TXLNA: variants seen among roughly 807,000 people sequenced by gnomAD.
TXLNA encodes alpha-taxilin.
Under a neutral mutation model 61.4 loss-of-function variants are expected in TXLNA, and 9 were observed. The ratio of observed to expected loss-of-function variants is 0.15; its 90% CI spans 0.09 to 0.26. The LOEUF (loss-of-function observed/expected upper bound fraction) is 0.26. Ranked by LOEUF, TXLNA falls within the 10% of genes least tolerant of loss-of-function variation. The pLI is 1.00. For synonymous variants in TXLNA, 257 were observed against 267.7 expected (o/e 0.96, Z 0.39); for missense variants, 565 against 688.8 (o/e 0.82, Z 2.01).
Position 32,194,241 on chromosome 1 carries a change from CAG to C in TXLNA, c.1347+82_1347+83del. 3 of 1,116,544 alleles carry C rather than the reference CAG, an allele frequency of 2.7e-6. No homozygotes were observed. In the South Asian group the frequency reaches 4.0e-5, roughly 15 times the overall value. The allele number at this position is 1,116,544 out of a possible 1,614,324, so 69.2% of individuals were successfully genotyped here. A position where few individuals can be genotyped will look rare whatever the true frequency, so the allele number is the denominator to read the frequency against. The stretch of plus-strand genomic sequence containing the variant: ...GCCCTTTCCTGTATGTTCTACCCAT[CAG>C]TGACACAGCTAGCATGAGGTAGAGG... On this transcript the variant is annotated intron_variant, in intron 10 of 10. Transcript: ENST00000373610.
intron 6 of TXLNA, 41 bp downstream of exon 6, chr1:32,190,290 G>A: frequency 6.5e-7 from 1 of 1,547,360 alleles, no homozygotes; most frequent in Non-Finnish European, 8.8e-7. Context: ...CAGAAATTGT[G>A]AGGTTTTGAG....
In TXLNA at chr1:32,195,154, G is replaced by A. The variant is rs1452008868; in HGVS notation, c.1600G>A (p.Gly534Ser). Residue 534 changes from glycine to serine, a missense_variant, in exon 11 of 11, where the codon GGC becomes AGC. Physicochemically the swap from Gly to Ser is moderately conservative, Grantham distance 56. Around this residue, in one of 2 missense-constraint regions of TXLNA, gnomAD observed 373 missense variants for 504.0 expected, o/e 0.74. Coordinates refer to ENST00000373610, the MANE Select transcript of TXLNA (RefSeq NM_175852.4). ...AGGAGCACCGAGCACAGAAGCATCA[G>A]GCCAGACTGGGCCTCAAGAGCCCAC... ...YPGAPSTEAS[G>S]QTGPQEPTSA... The A allele has an allele frequency of 6.2e-7, 1 of 1,609,818 alleles. No homozygotes were observed. The highest frequency in any genetic ancestry group is 2.2e-5 in the East Asian group (1 of 44,864).
At chr1:32,184,424 TATG>T in intron 3 of TXLNA, 98 bp from the exon 4 acceptor site, 1 of 759,386 alleles carries the variant, frequency 1.3e-6, no homozygotes, top group African/African-American at 1.7e-5. Context: ...AAATATAAAG[TATG>T]ATGGGGAGGG....
In TXLNA at chr1:32,193,268, G is replaced by T; in HGVS notation, c.1219G>T (p.Val407Leu). The change falls in exon 9 of 11, where the codon GTA (valine) becomes TTA (leucine). Residue 407 changes from valine (V) to leucine (L), a missense_variant. Val to Leu is a conservative substitution (Grantham distance 32). Transcript: ENST00000373610. ...FQNTLSKSSE[V>L]FTTFKQEMEK... is the part of the protein sequence containing the mutation. ...GAACACACTTTCCAAAAGCAGCGAG[G>T]TATTCACCACATTCAAGCAGGAGAT... The T allele has an allele frequency of 2.5e-6, 4 of 1,613,714 alleles. No homozygotes were observed. Among genetic ancestry groups the T allele is most frequent in the Non-Finnish European group, 3.4e-6 (4 of 1,179,918 alleles).
chr1:32,184,383 T>A, intron 3 of TXLNA, 142 bp from the exon 4 acceptor site: 2 of 640,948 alleles, frequency 3.1e-6, no homozygotes, highest in Non-Finnish European at 5.8e-6. Flanking sequence ...AGTTGGTCCT[T>A]ATGGCAAGGA....
intron 9 of TXLNA, 88 bp downstream of exon 9, chr1:32,193,388 TG>T (rs980775324): frequency 6.0e-6 from 6 of 995,678 alleles, no homozygotes; most frequent in South Asian, 2.6e-5. Flanking sequence ...AGCTCCCATC[TG>T]GGGTGTCTCA....
chr1:32,181,572 G>T lies in TXLNA; in HGVS notation c.500G>T (p.Gly167Val). 1 of 1,536,868 alleles carries T rather than the reference G, an allele frequency of 6.5e-7. No homozygotes were observed. Among genetic ancestry groups the T allele is most frequent in the Non-Finnish European group, 8.8e-7 (1 of 1,139,034 alleles). ...CCACAGGAGAAGAAAAAAGCCAAGG[G>T]TTTGGGTGAGCAGAGGGCGGCTCTT... ...RRPQEKKKAK[G>V]LGKEITLLMQ... The change falls in exon 3 of 11, where the codon GGT becomes GTT. Residue 167 changes from glycine (G) to valine (V), a missense_variant. Coordinates refer to ENST00000373610, the MANE Select transcript of TXLNA (RefSeq NM_175852.4).
In TXLNA at chr1:32,181,491, C is replaced by G. The variant is rs200361213; in HGVS notation, c.419C>G (p.Pro140Arg). ...GAGAAGGAACCCTCCAAGGGGGATC[C>G]AAACACAGAAGAGATCCGGCAGAGT... is the stretch of plus-strand genomic sequence containing the variant. ...NGEKEPSKGD[P>R]NTEEIRQSDE... The change falls in exon 3 of 11, where the codon CCA becomes CGA. Residue 140 changes from proline to arginine, a missense_variant. Physicochemically the swap from Pro to Arg is moderately radical, Grantham distance 103. Transcript: ENST00000373610. The G allele has an allele frequency of 6.2e-6, 10 of 1,610,354 alleles. 1 individual carries two copies. Among genetic ancestry groups the G allele is most frequent in the Middle Eastern group, 3.3e-4 (2 of 6,078 alleles).
intron 2 of TXLNA, among the ~76,000 whole-genome samples, 166 bp from the exon 3 acceptor site, chr1:32,181,076 A>C (rs1642645057): frequency 6.6e-6 from 1 of 152,212 alleles, no homozygotes; most frequent in Non-Finnish European, 1.5e-5. Flanking sequence ...TCTGACAGGA[A>C]CTAGATTTGC....
rs1642946047 is a variant in TXLNA at position 32,193,284 on chromosome 1, A to G, written c.1235A>G (p.Lys412Arg). The part of the protein sequence containing the change: ...SKSSEVFTTF[K>R]QEMEKMTKKI... ...AGCAGCGAGGTATTCACCACATTCA[A>G]GCAGGAGATGGAAAAGGTAACTGTG... The change falls in exon 9 of 11, where the codon AAG becomes AGG. Residue 412 changes from lysine (K) to arginine (R), a missense_variant. By Grantham distance (26) the Lys-to-Arg change is conservative. Coordinates refer to ENST00000373610, the MANE Select transcript of TXLNA (RefSeq NM_175852.4). 6.2e-7 allele frequency: 1 copy of G among 1,613,350 alleles called. No homozygotes were observed. Among genetic ancestry groups the G allele is most frequent in the South Asian group, 1.1e-5 (1 of 91,070 alleles).
chr1:32,183,241 A>G (rs1449752080), intron 3 of TXLNA, among the ~76,000 whole-genome samples: 3 of 149,100 alleles, frequency 2.0e-5, no homozygotes, highest in Admixed American at 2.0e-4. Flanking sequence ...CTCCTGCCTC[A>G]GCCTCCCGAG....
In TXLNA at chr1:32,192,876, C is replaced by T; in HGVS notation, c.1158+145C>T. 1.3e-6 allele frequency: 1 copy of T among 786,156 alleles called. No individual in the cohort carries two copies. Among genetic ancestry groups the T allele is most frequent in the Non-Finnish European group, 2.1e-6 (1 of 485,154 alleles). 48.7% of individuals were successfully genotyped at this position (786,156 alleles called of 1,614,324 possible). The stretch of plus-strand genomic sequence containing the variant: ...GGTTGAGCCTTTGTTCTCTCCGGAC[C>T]TGCACAGTACCTATGTGGTGGTGAC... On this transcript the variant is annotated intron_variant, in intron 8 of 10. Coordinates refer to ENST00000373610, the MANE Select transcript of TXLNA (RefSeq NM_175852.4). This position sits in a 1 kb window ranked among gnomAD's most constrained non-coding sequence, Gnocchi z 4.2.
chr1:32,194,795 T>TTGGAC, intron 10 of TXLNA, 107 bp from the exon 11 acceptor site: 1 of 1,363,758 alleles, frequency 7.3e-7, no homozygotes, highest in South Asian at 1.4e-5. Flanking sequence ...GGGGCCAGCT[T>TTGGAC]TGGACTCGGT....
intron 4 of TXLNA, among the ~76,000 whole-genome samples, chr1:32,187,242 T>A (rs1418790376): frequency 6.6e-6 from 1 of 152,234 alleles, no homozygotes. Context: ...TTGTAATGTT[T>A]TGGATATTAG....
rs1203270267 is a variant in TXLNA, at chr1:32,184,636, G to A, written c.597+20G>A. 4.4e-6 allele frequency: 7 copies of A among 1,573,274 alleles called. No homozygotes were observed. In the African/African-American group the frequency reaches 9.4e-5, roughly 21 times the overall value. On this transcript the variant is annotated intron_variant, in intron 4 of 10. Transcript: ENST00000373610. ...GAACTGGTCAGTTCCCCCCTCCGCG[G>A]GCACCTTCCCTGCGTTGGGAAAATC...
At chr1:32,187,044 G>A (rs1642801935) in intron 4 of TXLNA, among the ~76,000 whole-genome samples, 1 of 152,020 alleles carries the variant, frequency 6.6e-6, no homozygotes, top group Admixed American at 6.6e-5. Flanking sequence ...GATTACAGGC[G>A]CATGCCACCA....
At chr1:32,193,365 C>A in intron 9 of TXLNA, 65 bp downstream of exon 9, 1 of 1,309,488 alleles carries the variant, frequency 7.6e-7, no homozygotes, top group Non-Finnish European at 1.1e-6. Flanking sequence ...AATTGTTGGG[C>A]CTGCCTTCAG....
chr1:32,189,341 A>G (rs1205300910), intron 5 of TXLNA, among the ~76,000 whole-genome samples: 1 of 152,182 alleles, frequency 6.6e-6, no homozygotes, highest in Non-Finnish European at 1.5e-5. Flanking sequence ...CTTCCCCATC[A>G]AAAGTGTTGA....
chr1:32,184,733 T>C, intron 4 of TXLNA, 117 bp downstream of exon 4: 1 of 633,476 alleles, frequency 1.6e-6, no homozygotes, highest in Non-Finnish European at 2.8e-6. Context: ...AGCTTTTCTC[T>C]GAACTATCTG....
Sources: gnomAD v4.1 joint callset for allele counts (sites outside exome capture counted in the v4.1 genomes callset) on GRCh38, gnomAD v4.1.1 for gene constraint, gnomAD v4.1.1 regional missense constraint, Gnocchi (gnomAD v3.1) non-coding constraint, MANE v1.5 for transcripts, NCBI Gene and HGNC (gene_info 2026-07-23, HGNC 2026-07-21) for gene names.